The following LINGO2 variants were observed in gnomAD, a reference collection of about 807,000 sequenced individuals.
The protein encoded by LINGO2 is leucine-rich repeat and immunoglobulin-like domain-containing nogo receptor-interacting protein 2.
LINGO2 carries 14 observed loss-of-function variants against 30.6 expected under a neutral mutation model. The observed-to-expected ratio is 0.46, with a 90% CI of 0.30 to 0.72. The LOEUF (loss-of-function observed/expected upper bound fraction) is 0.72. Ranked by LOEUF, LINGO2 falls within the 30% of genes least tolerant of loss-of-function variation. The pLI is 0.07. For missense variants in LINGO2, 729 were observed against 751.7 expected (o/e 0.97, Z 0.35); for synonymous variants, 317 against 288.5 (o/e 1.10, Z -1.00).
the LINGO2 span, among the ~76,000 whole-genome samples, chr9:28,953,935 T>C: frequency 2.2e-4 from 34 of 152,218 alleles, no homozygotes; most frequent in South Asian, 5.8e-3. Flanking sequence ...CCAGAAAATA[T>C]TGGTTCACTA....
the LINGO2 span, among the ~76,000 whole-genome samples, chr9:29,204,686 C>T: frequency 6.6e-6 from 1 of 152,074 alleles, no homozygotes; most frequent in Non-Finnish European, 1.5e-5. Flanking sequence ...ATGAATATTC[C>T]AACATTTGTT....
chr9:28,479,640 A>AT (rs1046067197), intron 1 of LINGO2, among the ~76,000 whole-genome samples: 2 of 151,590 alleles, frequency 1.3e-5, no homozygotes, highest in Non-Finnish European at 1.5e-5. Context: ...TGTCTGACAT[A>AT]TTTTTCATTT....
At chr9:28,021,826 A>G (rs1331652476) in intron 4 of LINGO2, among the ~76,000 whole-genome samples, 1 of 150,718 alleles carries the variant, frequency 6.6e-6, no homozygotes, top group African/African-American at 2.5e-5. Flanking sequence ...GCACAGTAAA[A>G]TTTTTTCCAT....
chr9:28,429,610 A>C (rs1823564711), intron 2 of LINGO2, among the ~76,000 whole-genome samples: 1 of 152,122 alleles, frequency 6.6e-6, no homozygotes, highest in Non-Finnish European at 1.5e-5. Context: ...AAATGCTAGA[A>C]ATGTCTAATG....
intron 1 of LINGO2, among the ~76,000 whole-genome samples, chr9:28,663,729 T>TGGG (rs1828677706): frequency 6.6e-6 from 1 of 152,088 alleles, no homozygotes; most frequent in Non-Finnish European, 1.5e-5. Flanking sequence ...CATAAACCAT[T>TGGG]TAAAAAGGTT....
At chr9:28,460,858 T>C (rs560443288) in intron 2 of LINGO2, among the ~76,000 whole-genome samples, 1 of 152,100 alleles carries the variant, frequency 6.6e-6, no homozygotes, top group African/African-American at 2.4e-5. Context: ...GAAGAAAAGG[T>C]AAGTGAGCAA....
chr9:28,146,971 G>A (rs951235818), intron 4 of LINGO2, among the ~76,000 whole-genome samples: 5 of 152,106 alleles, frequency 3.3e-5, no homozygotes, highest in Non-Finnish European at 4.4e-5. Flanking sequence ...TTACATACTT[G>A]GATCCTTCCC....
chr9:29,203,593 A>G, the LINGO2 span, among the ~76,000 whole-genome samples: 5 of 149,502 alleles, frequency 3.3e-5, no homozygotes, highest in East Asian at 1.9e-4. Flanking sequence ...TAATGTTACT[A>G]AGACTAACAT....
intron 3 of LINGO2, among the ~76,000 whole-genome samples, chr9:28,313,390 A>G (rs923342453): frequency 6.6e-6 from 1 of 152,188 alleles, no homozygotes; most frequent in East Asian, 1.9e-4. Context: ...TGGTGTTAGA[A>G]TAATTCAGAC....
At chr9:28,755,554 A>G in the LINGO2 span, among the ~76,000 whole-genome samples, 6 of 152,118 alleles carry the variant, frequency 3.9e-5, no homozygotes, top group Non-Finnish European at 7.4e-5. Flanking sequence ...TGCCAAGGCT[A>G]TGTGCATAAA....
chr9:28,840,341 A>C, the LINGO2 span, among the ~76,000 whole-genome samples: 1 of 151,894 alleles, frequency 6.6e-6, no homozygotes, highest in Non-Finnish European at 1.5e-5. Flanking sequence ...CAGCTGCTCC[A>C]GTTGGGCCAC....
chr9:28,683,300 AT>A, the LINGO2 span, among the ~76,000 whole-genome samples: 1 of 152,052 alleles, frequency 6.6e-6, no homozygotes, highest in Admixed American at 6.6e-5. Context: ...AGCCGAACAC[AT>A]TTTTTAGTTA....
chr9:28,024,325 C>T (rs1405331280), intron 4 of LINGO2, among the ~76,000 whole-genome samples: 1 of 152,024 alleles, frequency 6.6e-6, no homozygotes, highest in Non-Finnish European at 1.5e-5. Flanking sequence ...CAAAGGTGCC[C>T]GGAGGATGGG....
intron 1 of LINGO2, among the ~76,000 whole-genome samples, chr9:28,669,188 T>C (rs1191973075): frequency 6.6e-6 from 1 of 152,152 alleles, no homozygotes; most frequent in Non-Finnish European, 1.5e-5. Context: ...TTTCTATGTA[T>C]GTATTCACCA....
chr9:29,136,116 C>A, the LINGO2 span, among the ~76,000 whole-genome samples: 1 of 152,178 alleles, frequency 6.6e-6, no homozygotes, highest in Non-Finnish European at 1.5e-5. Flanking sequence ...CTTTCTTTCA[C>A]TAGGAATCAT....
intron 3 of LINGO2, among the ~76,000 whole-genome samples, chr9:28,361,833 A>G (rs1820458030): frequency 6.6e-6 from 1 of 152,196 alleles, no homozygotes. Flanking sequence ...CAACTTTGTA[A>G]GTTAGGTTTA....
intron 2 of LINGO2, among the ~76,000 whole-genome samples, chr9:28,466,761 A>G (rs1421556292): frequency 2.0e-5 from 3 of 152,194 alleles, no homozygotes; most frequent in Non-Finnish European, 4.4e-5. Flanking sequence ...TTAAAAAAAG[A>G]CAGCATTCCA....
the LINGO2 span, among the ~76,000 whole-genome samples, chr9:29,110,935 C>T: frequency 4.2e-4 from 64 of 152,140 alleles, 1 homozygote; most frequent in South Asian, 0.01. Context: ...GTGATCCGCC[C>T]ACCTCGGCCT....
intron 3 of LINGO2, among the ~76,000 whole-genome samples, chr9:28,364,701 C>A (rs1820589985): frequency 2.0e-5 from 3 of 152,292 alleles, no homozygotes; most frequent in Middle Eastern, 3.4e-3. Flanking sequence ...TTCCTTGAAA[C>A]AAAATTCCTT....
Sources: allele counts gnomAD v4.1 joint callset (sites outside exome capture counted in the v4.1 genomes callset), GRCh38; gene constraint gnomAD v4.1.1; transcripts MANE v1.5; gene names NCBI Gene and HGNC (gene_info 2026-07-23, HGNC 2026-07-21).